Variants in GRIK4 observed in about 807,000 individuals in gnomAD.
GRIK4 encodes glutamate receptor ionotropic, kainate 4.
Under a neutral mutation model 104.9 loss-of-function variants are expected in GRIK4, and 40 were observed. The ratio of observed to expected loss-of-function variants is 0.38; its 90% CI spans 0.30 to 0.50. GRIK4 has a LOEUF of 0.50. GRIK4 is among the 20% of genes least tolerant of loss of function. The pLI is 0.93. For synonymous variants in GRIK4, 485 were observed against 524.9 expected (o/e 0.92, Z 1.04); for missense variants, 1,047 against 1,308.1 (o/e 0.80, Z 3.08).
At chr11:120,601,341 G>A (rs187946063) in intron 1 of GRIK4, among the ~76,000 whole-genome samples, 14 of 151,984 alleles carry the variant, frequency 9.2e-5, no homozygotes, top group East Asian at 7.8e-4. Flanking sequence ...GGGAGGTGGC[G>A]GTTGCAGTGA....
At chr11:120,791,516 T>C (rs972570963) in intron 3 of GRIK4, among the ~76,000 whole-genome samples, 1 of 152,234 alleles carries the variant, frequency 6.6e-6, no homozygotes, top group Non-Finnish European at 1.5e-5. Flanking sequence ...AAGTCCTTTA[T>C]CCAGCATGTG....
intron 1 of GRIK4, among the ~76,000 whole-genome samples, chr11:120,518,193 T>C (rs111940908): frequency 0.012 from 1,761 of 152,188 alleles, 15 homozygotes; most frequent in Non-Finnish European, 0.019. Flanking sequence ...CCAGATCAGG[T>C]ACATAGGACA....
intron 11 of GRIK4, among the ~76,000 whole-genome samples, chr11:120,887,921 G>A (rs1008982382): frequency 2.0e-5 from 3 of 152,144 alleles, no homozygotes; most frequent in African/African-American, 7.2e-5. Context: ...GTGGGTGACT[G>A]GGAAACCCCA....
chr11:120,666,444 G>A (rs1481470162), intron 3 of GRIK4, among the ~76,000 whole-genome samples: 3 of 152,216 alleles, frequency 2.0e-5, no homozygotes, highest in African/African-American at 7.2e-5. Flanking sequence ...GCGACGCCTG[G>A]GGGCTCACAA....
chr11:120,951,564 A>G (rs898548984), intron 14 of GRIK4, among the ~76,000 whole-genome samples: 8 of 152,246 alleles, frequency 5.3e-5, no homozygotes, highest in African/African-American at 1.9e-4. Context: ...TGAGCTTAGT[A>G]CTGATTTTCA....
intron 1 of GRIK4, among the ~76,000 whole-genome samples, chr11:120,626,236 T>A (rs1440001552): frequency 6.6e-6 from 1 of 152,172 alleles, no homozygotes; most frequent in Non-Finnish European, 1.5e-5. Flanking sequence ...GGGAGGGGGC[T>A]TCAGTGGGCC....
At chr11:120,556,832 C>T (rs528189456) in intron 1 of GRIK4, among the ~76,000 whole-genome samples, 11 of 152,312 alleles carry the variant, frequency 7.2e-5, no homozygotes, top group Admixed American at 2.0e-4. Context: ...GTCACGTCCC[C>T]GCCCTCTATG....
intron 3 of GRIK4, among the ~76,000 whole-genome samples, chr11:120,772,152 G>C (rs978649139): frequency 2.0e-5 from 3 of 152,170 alleles, no homozygotes. Context: ...GCCCTAACAG[G>C]TCTAGCGGCC....
rs905229548 is a variant in GRIK4 at position 120,802,688 on chromosome 11, C to T, written c.83-5C>T. 6.2e-7 allele frequency: 1 copy of T among 1,612,908 alleles called. No homozygotes were observed. Among genetic ancestry groups the T allele is most frequent in the Non-Finnish European group, 8.5e-7 (1 of 1,179,518 alleles). On this transcript the variant is annotated splice_region_variant and splice_polypyrimidine_tract_variant and intron_variant, in intron 3 of 20. Transcript: ENST00000527524. ...AATTGTCTCCATGTGGTTGCCTGCC[C>T]ACAGCTGCTATCTTGGACGACCCCA...
In GRIK4 at chr11:120,522,791, C is replaced by T. The variant is rs534134477; in HGVS notation, c.-159+10904C>T. ...GCCAGGAAGACAACAGCCTGTGGGCCTAGAGAAATGTCCAAGGCTGGGACC... is the reference window on the plus strand; with the variant it reads ...GCCAGGAAGACAACAGCCTGTGGGCTTAGAGAAATGTCCAAGGCTGGGACC... On this transcript the variant is annotated intron_variant, in intron 1 of 20. Coordinates refer to ENST00000527524, the MANE Select transcript of GRIK4 (RefSeq NM_014619.5). Among the ~76,000 whole-genome samples the T allele has an allele frequency of 9.8e-5, 15 of 152,320 alleles. No homozygotes were observed. The South Asian group carries it at 2.1e-3, about 21-fold the overall frequency.
At chr11:120,606,686 T>C (rs757699216) in intron 1 of GRIK4, among the ~76,000 whole-genome samples, 5 of 152,122 alleles carry the variant, frequency 3.3e-5, no homozygotes, top group African/African-American at 4.8e-5. Flanking sequence ...AAGTGTGTCG[T>C]TAGGAGCTGT....
chr11:120,751,219 C>G (rs1951545070), intron 3 of GRIK4, among the ~76,000 whole-genome samples: 1 of 151,940 alleles, frequency 6.6e-6, no homozygotes, highest in African/African-American at 2.4e-5. Flanking sequence ...CCGTGCCTGG[C>G]AGGGGCAGGC....
intron 8 of GRIK4, among the ~76,000 whole-genome samples, chr11:120,844,234 A>C (rs1953796330): frequency 6.6e-6 from 1 of 152,156 alleles, no homozygotes; most frequent in Non-Finnish European, 1.5e-5. Context: ...TGGTGAGTTG[A>C]CGCTACTCAT....
chr11:120,768,840 G>A (rs927634922), intron 3 of GRIK4, among the ~76,000 whole-genome samples: 3 of 152,170 alleles, frequency 2.0e-5, no homozygotes, highest in African/African-American at 7.2e-5. Context: ...GATGTGTCAT[G>A]CTGATTGAAT....
intron 16 of GRIK4, among the ~76,000 whole-genome samples, chr11:120,957,992 G>A (rs1398869109): frequency 6.6e-6 from 1 of 152,230 alleles, no homozygotes; most frequent in Non-Finnish European, 1.5e-5. Context: ...TCACTGAATG[G>A]ATCACCATGG....
intron 3 of GRIK4, among the ~76,000 whole-genome samples, chr11:120,735,654 G>T (rs1482232808): frequency 6.6e-6 from 1 of 151,486 alleles, no homozygotes; most frequent in Non-Finnish European, 1.5e-5. Context: ...GCCCAAAGTG[G>T]GTCTATAGAT....
intron 1 of GRIK4, among the ~76,000 whole-genome samples, chr11:120,623,717 T>C (rs755093011): frequency 8.5e-5 from 13 of 152,252 alleles, no homozygotes; most frequent in Admixed American, 2.0e-4. Context: ...TTTCTTTACT[T>C]TCTTCATAAA....
At chr11:120,864,033 G>A (rs1954328511) in intron 9 of GRIK4, among the ~76,000 whole-genome samples, 1 of 152,074 alleles carries the variant, frequency 6.6e-6, no homozygotes, top group South Asian at 2.1e-4. Context: ...GAAGGACTGG[G>A]AAGGGCAGCT....
At chr11:120,537,850 T>TAA (rs36018905) in intron 1 of GRIK4, among the ~76,000 whole-genome samples, 10 of 141,742 alleles carry the variant, frequency 7.1e-5, no homozygotes, top group South Asian at 4.5e-4. Context: ...TGTTTGTTCT[T>TAA]AAAAAAAAAA....
Sources: gnomAD v4.1 joint callset for allele counts (sites outside exome capture counted in the v4.1 genomes callset) on GRCh38, gnomAD v4.1.1 for gene constraint, MANE v1.5 for transcripts, NCBI Gene and HGNC (gene_info 2026-07-23, HGNC 2026-07-21) for gene names.